PFAS: variants seen among roughly 807,000 people sequenced by gnomAD.
The protein encoded by PFAS is phosphoribosylformylglycinamidine synthase, also known as FGAM synthase.
Under a neutral mutation model 140.6 loss-of-function variants are expected in PFAS, and 97 were observed. The ratio of observed to expected loss-of-function variants is 0.69; its 90% CI spans 0.59 to 0.82. The LOEUF (loss-of-function observed/expected upper bound fraction) is 0.82. Among genes scored for constraint, PFAS ranks in the 40% least tolerant of loss-of-function variants. The probability of loss-of-function intolerance (pLI) is 0.00; values close to 1 mark genes in which losing one functional copy is unlikely to be tolerated. For synonymous variants in PFAS, 679 were observed against 718.8 expected, an observed-to-expected ratio of 0.94 and a Z score of 0.88; for missense variants, 1,656 against 1,780.2, an observed-to-expected ratio of 0.93 and a Z score of 1.26.
rs539212198 is a variant in PFAS at position 8,264,507 on chromosome 17, C to T, written c.1955C>T (p.Pro652Leu). The change falls in exon 17 of 28, where the codon CCT becomes CTT. Residue 652 changes from proline to leucine, a missense_variant. By Grantham distance (98) the Pro-to-Leu change is moderately conservative. This residue lies in a region of PFAS where 883 missense variants were observed against 1,023.0 expected (regional missense o/e 0.86). Transcript: ENST00000314666. ...FLQRKPPMLQ[P>L]LALPPGLSVH... is the part of the protein sequence containing the mutation. ...CAGAGGAAGCCCCCCATGCTGCAGC[C>T]TCTGGCCTTGCCCCCAGGGCTGAGC... is the stretch of plus-strand genomic sequence containing the variant. 2 of 1,613,868 alleles carry T rather than the reference C, an allele frequency of 1.2e-6. No homozygotes were observed. The highest frequency in any genetic ancestry group is 1.3e-5 in the African/African-American group (1 of 75,034).
Position 8,265,108 on chromosome 17 carries a change from C to T in PFAS, c.2263C>T (p.Leu755=). ...AGCCCTCACCAACCTGGTGTTTGCT[C>T]TGGTCACTGACCTCCGGGTGAGTTC... The part of the protein sequence containing the change: ...AEALTNLVFA[L]VTDLRDVKCS... The change falls in exon 18 of 28, where the codon CTG becomes TTG. Residue 755 remains leucine (L), a synonymous_variant. Transcript: ENST00000314666. The T allele has an allele frequency of 6.2e-7, 1 of 1,612,616 alleles. No homozygotes were observed. Among genetic ancestry groups the T allele is most frequent in the South Asian group, 1.1e-5 (1 of 91,038 alleles).
chr17:8,264,459 C>T lies in PFAS; in HGVS notation c.1918-11C>T. 1 of 1,613,538 alleles carries T rather than the reference C, an allele frequency of 6.2e-7. No individual in the cohort carries two copies. The highest frequency in any genetic ancestry group is 1.7e-4 in the Middle Eastern group (1 of 6,056). On this transcript the variant is annotated splice_polypyrimidine_tract_variant and intron_variant, in intron 16 of 27. Coordinates refer to ENST00000314666, the MANE Select transcript of PFAS (RefSeq NM_012393.3). ...AGGTGTTCACACTGCCTGTCGCTGT[C>T]TGTGTTGCAGGAGTTCTTCCTGCAG...
Position 8,257,815 on chromosome 17 carries a change from C to T in PFAS, c.1084C>T (p.Leu362=). Residue 362 remains leucine, a synonymous_variant, in exon 10 of 28, where the codon CTG becomes TTG. Transcript: ENST00000314666. The stretch of plus-strand genomic sequence containing the variant: ...CTCTCCTTCCCTCCCAGGTTACAAT[C>T]TGCCCTGGGAGGATCCAAGCTTCCA... ...FGNLHIPGYN[L]PWEDPSFQYP... The T allele has an allele frequency of 6.2e-7, 1 of 1,613,866 alleles. No homozygotes were observed. Among genetic ancestry groups the T allele is most frequent in the Non-Finnish European group, 8.5e-7 (1 of 1,179,712 alleles).
At chr17:8,250,151 A>G (rs1989097754) in intron 1 of PFAS, among the ~76,000 whole-genome samples, 2 of 152,140 alleles carry the variant, frequency 1.3e-5, no homozygotes, top group South Asian at 4.1e-4. Flanking sequence ...AAAAGAAGCT[A>G]ATGTGTGGTT....
In PFAS at chr17:8,256,654, C is replaced by T; in HGVS notation, c.946+6C>T. The T allele has an allele frequency of 1.9e-6, 3 of 1,613,826 alleles. No individual in the cohort carries two copies. Among genetic ancestry groups the T allele is most frequent in the East Asian group, 2.2e-5 (1 of 44,888 alleles). ...GACTCACAACTTTCCCACAGGTGAG[C>T]TGGGTTCCCTGGAGAAATAGGTGAG... On this transcript the variant is annotated splice_donor_region_variant and intron_variant, in intron 8 of 27. Coordinates refer to ENST00000314666, the MANE Select transcript of PFAS (RefSeq NM_012393.3).
rs1413694356 is a variant in PFAS, at chr17:8,252,155, G to A, written c.-79-1704G>A. 3.3e-5 allele frequency among the ~76,000 whole-genome samples: 5 copies of A among 151,348 alleles called. No homozygotes were observed. In the South Asian group the frequency reaches 8.3e-4, roughly 25 times the overall value. On this transcript the variant is annotated intron_variant, in intron 1 of 27. Transcript: ENST00000314666. ...CTAATAATACAAAAATTAGCTGGGC[G>A]TGGTGGCGCATGCCTGTAATCTCAG...
At position 8,267,243 on chromosome 17, in the gene PFAS, AGT is replaced by A. The variant is rs1989854647; in HGVS notation, c.3175+14_3175+15del. 1.2e-6 allele frequency: 2 copies of A among 1,607,182 alleles called. No homozygotes were observed. Among genetic ancestry groups the A allele is most frequent in the African/African-American group, 2.7e-5 (2 of 74,736 alleles). On this transcript the variant is annotated intron_variant, in intron 24 of 27. Transcript: ENST00000314666. This position sits in a 1 kb window ranked among gnomAD's most constrained non-coding sequence, Gnocchi z 4.9. The stretch of plus-strand genomic sequence containing the variant: ...CCGTGCCCCGTGAGCCTGGTGAGGG[AGT>A]GTGTGCAGAGGCTCCGCGTCCTGGG...
chr17:8,265,644 G>C lies in PFAS; in HGVS notation c.2545+5G>C. 1.2e-6 allele frequency: 2 copies of C among 1,610,278 alleles called. No individual in the cohort carries two copies. The highest frequency in any genetic ancestry group is 1.7e-6 in the Non-Finnish European group (2 of 1,176,588). On this transcript the variant is annotated splice_donor_5th_base_variant and intron_variant, in intron 20 of 27. Coordinates refer to ENST00000314666, the MANE Select transcript of PFAS (RefSeq NM_012393.3). ...TCAAGCATCCTGAAGGGAGAGGTAT[G>C]GACATGGCCCCATCCTTTGTGATCT...
rs1217103394 is a variant in PFAS, at chr17:8,255,030, G to A, written c.282G>A (p.Leu94=). The A allele has an allele frequency of 1.9e-6, 3 of 1,612,918 alleles. No individual in the cohort carries two copies. Among genetic ancestry groups the A allele is most frequent in the African/African-American group, 1.3e-5 (1 of 74,890 alleles). ...NDLLLEVGPR[L]NFSTPTSTNI... ...AACCATCAGGCCCATTGTTCAGGCT[G>A]AACTTCTCCACCCCAACATCCACCA... Residue 94 remains leucine (L), a synonymous_variant, in exon 4 of 28, where the codon CTG becomes CTA. Transcript: ENST00000314666.
At position 8,267,880 on chromosome 17, in the gene PFAS, T is replaced by C. The variant is rs1394564970; in HGVS notation, c.3382+215T>C. ...TATATATACACATATGTAATTAAAA[T>C]ATATATTATTAAATATATATTATTT... On this transcript the variant is annotated intron_variant, in intron 26 of 27. Coordinates refer to ENST00000314666, the MANE Select transcript of PFAS (RefSeq NM_012393.3). The surrounding 1 kb of genome is among the most constrained non-coding windows in gnomAD (Gnocchi z 4.9). Among the ~76,000 whole-genome samples, 1 of 146,330 alleles carries C rather than the reference T, an allele frequency of 6.8e-6. No individual in the cohort carries two copies. The highest frequency in any genetic ancestry group is 2.1e-4 in the South Asian group (1 of 4,764).
Position 8,267,382 on chromosome 17 carries a change from C to T in PFAS, c.3186C>T (p.Ser1062=), listed in dbSNP as rs747447966. ...ASVPREPGGP[S]PRVAILREEG... ...TTATTCTCCCCCAAGGTGGTCCCAG[C>T]CCCCGAGTCGCCATCTTGCGAGAGG... The change falls in exon 25 of 28, where the codon AGC becomes AGT. Residue 1062 remains serine, a synonymous_variant. Coordinates refer to ENST00000314666, the MANE Select transcript of PFAS (RefSeq NM_012393.3). The surrounding 1 kb of genome is among the most constrained non-coding windows in gnomAD (Gnocchi z 4.9). 2 of 1,613,894 alleles carry T rather than the reference C, an allele frequency of 1.2e-6. No individual in the cohort carries two copies. The highest frequency in any genetic ancestry group is 2.7e-5 in the African/African-American group (2 of 75,058).
At position 8,254,245 on chromosome 17, in the gene PFAS, T is replaced by C. The variant is rs746800464; in HGVS notation, c.222T>C (p.Ala74=). Residue 74 remains alanine, a synonymous_variant, in exon 3 of 28, where the codon GCT becomes GCC. Transcript: ENST00000314666. ...FGCPLLLDDV[A]RESWLLPGSN... ...GCCCCTTACTGCTGGATGATGTTGC[T>C]CGGGAGTCCTGGCTCCTTCCTGGCT... The C allele has an allele frequency of 1.9e-6, 3 of 1,614,010 alleles. No homozygotes were observed. The highest frequency in any genetic ancestry group is 2.7e-5 in the African/African-American group (2 of 74,910).
In PFAS at chr17:8,265,486, C is replaced by T. The variant is rs754656679; in HGVS notation, c.2461+18C>T. 10 of 1,613,024 alleles carry T rather than the reference C, an allele frequency of 6.2e-6. No individual in the cohort carries two copies. The highest frequency in any genetic ancestry group is 1.7e-5 in the Admixed American group (1 of 59,950). ...GGCTCCTGGTGAGGTGTGGGAGCCC[C>T]AGGGAGGGGAGGAGGAACTATGGAG... On this transcript the variant is annotated intron_variant, in intron 19 of 27. Transcript: ENST00000314666.
rs770260701 is a variant in PFAS, at chr17:8,256,642, C to G, written c.940C>G (p.Pro314Ala). The change falls in exon 8 of 28, where the codon CCC (proline) becomes GCC (alanine). Residue 314 changes from proline to alanine, a missense_variant. This residue lies in a region of PFAS where 773 missense variants were observed against 757.3 expected (regional missense o/e 1.02). Coordinates refer to ENST00000314666, the MANE Select transcript of PFAS (RefSeq NM_012393.3). ...VVFTAETHNF[P>A]TGVCPFSGAT... Reference sequence around the variant, plus strand: ...CTTCACAGCAGAGACTCACAACTTTCCCACAGGTGAGCTGGGTTCCCTGGA... The same window carrying G: ...CTTCACAGCAGAGACTCACAACTTTGCCACAGGTGAGCTGGGTTCCCTGGA... The G allele has an allele frequency of 2.7e-5, 43 of 1,613,932 alleles. No individual in the cohort carries two copies. Among genetic ancestry groups the G allele is most frequent in the Non-Finnish European group, 3.6e-5 (42 of 1,180,018 alleles).
chr17:8,252,489 C>T (rs1208811830), intron 1 of PFAS, among the ~76,000 whole-genome samples: 2 of 150,118 alleles, frequency 1.3e-5, no homozygotes, highest in Non-Finnish European at 3.0e-5. Flanking sequence ...CTGCAACTTC[C>T]GCCTCCCGGG....
At position 8,266,904 on chromosome 17, in the gene PFAS, G is replaced by A. The variant is rs765490754; in HGVS notation, c.2967+6G>A. ...AGGCCGGGCCCCACGCCATGGTGAG[G>A]AAGTGAGGGAGAGAGCGGTGTGCAG... is the stretch of plus-strand genomic sequence containing the variant. On this transcript the variant is annotated splice_donor_region_variant and intron_variant, in intron 23 of 27. Coordinates refer to ENST00000314666, the MANE Select transcript of PFAS (RefSeq NM_012393.3). The surrounding 1 kb of genome is among the most constrained non-coding windows in gnomAD (Gnocchi z 5.0). 1 of 1,601,814 alleles carries A rather than the reference G, an allele frequency of 6.2e-7. No individual in the cohort carries two copies. The highest frequency in any genetic ancestry group is 1.1e-5 in the South Asian group (1 of 90,124).
chr17:8,269,225 T>C lies in PFAS; in HGVS notation c.3978T>C (p.Phe1326=). 6.2e-7 allele frequency: 1 copy of C among 1,612,586 alleles called. No individual in the cohort carries two copies. Among genetic ancestry groups the C allele is most frequent in the Non-Finnish European group, 8.5e-7 (1 of 1,179,190 alleles). Residue 1326 remains phenylalanine (F), a synonymous_variant, in exon 28 of 28, where the codon TTT becomes TTC. Coordinates refer to ENST00000314666, the MANE Select transcript of PFAS (RefSeq NM_012393.3). ...CCACCTCCCCCTGGCTCCAGCTCTT[T>C]ATCAATGCCCGAAACTGGACCCTGG... is the stretch of plus-strand genomic sequence containing the variant. The part of the protein sequence containing the change: ...TLTTSPWLQL[F]INARNWTLEG...
intron 11 of PFAS, among the ~76,000 whole-genome samples, chr17:8,259,710 C>T (rs1203407971): frequency 6.6e-6 from 1 of 152,112 alleles, no homozygotes; most frequent in Non-Finnish European, 1.5e-5. Context: ...ATCGCTTGAG[C>T]CAAGGAGCTC....
chr17:8,252,699 C>T (rs910012768), intron 1 of PFAS, among the ~76,000 whole-genome samples: 2 of 152,198 alleles, frequency 1.3e-5, no homozygotes, highest in Non-Finnish European at 2.9e-5. Flanking sequence ...TCACTGCAGC[C>T]TCCGCCTCCC....
Sources: allele counts gnomAD v4.1 joint callset (sites outside exome capture counted in the v4.1 genomes callset), GRCh38; gene constraint gnomAD v4.1.1; regional missense constraint gnomAD v4.1.1; non-coding constraint Gnocchi (gnomAD v3.1); transcripts MANE v1.5; gene names NCBI Gene and HGNC (gene_info 2026-07-23, HGNC 2026-07-21).